Variants in SNTG1 observed in about 807,000 individuals in gnomAD.
SNTG1 encodes syntrophin gamma 1.
SNTG1 carries 39 observed loss-of-function variants against 74.7 expected under a neutral mutation model. The observed-to-expected ratio is 0.52, with a 90% CI of 0.40 to 0.68. The LOEUF (loss-of-function observed/expected upper bound fraction) is 0.68, where lower values mean the gene tolerates loss of function less well. SNTG1 is among the 30% of genes least tolerant of loss of function. The probability of loss-of-function intolerance (pLI) is 0.00; values close to 1 mark genes in which losing one functional copy is unlikely to be tolerated. For missense variants in SNTG1, 685 were observed against 609.5 expected, an observed-to-expected ratio of 1.12 and a Z score of -1.30; for synonymous variants, 254 against 217.1, an observed-to-expected ratio of 1.17 and a Z score of -1.49.
chr8:50,101,488 A>C (rs2080123318), intron 1 of SNTG1, among the ~76,000 whole-genome samples: 1 of 152,122 alleles, frequency 6.6e-6, no homozygotes, highest in Non-Finnish European at 1.5e-5. Flanking sequence ...ATGTGAGAGA[A>C]TATCTCATGG....
chr8:50,557,210 G>A (rs2094461192), intron 12 of SNTG1, among the ~76,000 whole-genome samples: 1 of 148,714 alleles, frequency 6.7e-6, no homozygotes, highest in Non-Finnish European at 1.5e-5. Context: ...TTGGAGAGTA[G>A]GGGAGAAAAC....
At chr8:49,996,155 C>T (rs933542560) in intron 1 of SNTG1, among the ~76,000 whole-genome samples, 4 of 151,784 alleles carry the variant, frequency 2.6e-5, no homozygotes, top group African/African-American at 9.7e-5. Flanking sequence ...TTCATCCTTC[C>T]ATTTTCTCAG....
intron 12 of SNTG1, among the ~76,000 whole-genome samples, chr8:50,585,890 T>C (rs892423557): frequency 2.6e-4 from 39 of 152,238 alleles, no homozygotes; most frequent in Admixed American, 1.3e-3. Flanking sequence ...TATCTTTATA[T>C]TGAGAGTTCA....
At chr8:50,412,029 GAAGC>G (rs777905710) in intron 4 of SNTG1, among the ~76,000 whole-genome samples, 2 of 152,114 alleles carry the variant, frequency 1.3e-5, no homozygotes, top group Non-Finnish European at 2.9e-5. Context: ...TCCAAACGTA[GAAGC>G]AAATGAATGA....
chr8:50,503,449 A>G (rs1203942548), intron 9 of SNTG1, among the ~76,000 whole-genome samples: 1 of 152,204 alleles, frequency 6.6e-6, no homozygotes, highest in Non-Finnish European at 1.5e-5. Context: ...ATAAAATACA[A>G]AGATCTTGCA....
At chr8:50,266,434 T>C (rs1255576488) in intron 2 of SNTG1, among the ~76,000 whole-genome samples, 1 of 151,790 alleles carries the variant, frequency 6.6e-6, no homozygotes, top group Non-Finnish European at 1.5e-5. Flanking sequence ...AAAAGTTAAC[T>C]TAAAATAGAT....
chr8:50,734,770 CATAT>C (rs199687164), intron 17 of SNTG1, among the ~76,000 whole-genome samples: 1 of 97,272 alleles, frequency 1.0e-5, no homozygotes, highest in Non-Finnish European at 1.8e-5. Flanking sequence ...TATATATGGA[CATAT>C]ATATAGATAT....
At chr8:50,594,728 T>G (rs989762561) in intron 13 of SNTG1, among the ~76,000 whole-genome samples, 7 of 152,110 alleles carry the variant, frequency 4.6e-5, no homozygotes, top group African/African-American at 1.7e-4. Context: ...GTAGGATAAA[T>G]TTTGTCAGTT....
At chr8:50,376,752 T>TAGAGAGAGAG (rs1209571081) in intron 2 of SNTG1, among the ~76,000 whole-genome samples, 3 of 100,810 alleles carry the variant, frequency 3.0e-5, no homozygotes, top group African/African-American at 1.0e-4. Flanking sequence ...TATATATATA[T>TAGAGAGAGAG]ATATAGAGAG....
intron 1 of SNTG1, among the ~76,000 whole-genome samples, chr8:50,060,583 G>A (rs1820385530): frequency 6.6e-6 from 1 of 151,818 alleles, no homozygotes; most frequent in African/African-American, 2.4e-5. Context: ...GCTTAACTTG[G>A]AACTTCTTGC....
rs772312473 is a variant in SNTG1 at position 50,572,283 on chromosome 8, G to T, written c.811-18596G>T. Among the ~76,000 whole-genome samples, 1,443 of 150,322 alleles carry T rather than the reference G, an allele frequency of 9.6e-3. 19 individuals carry two copies. Among genetic ancestry groups the T allele is most frequent in the African/African-American group, 0.029 (1,197 of 40,976 alleles). On this transcript the variant is annotated intron_variant, in intron 12 of 18. Coordinates refer to ENST00000642720, the MANE Select transcript of SNTG1 (RefSeq NM_018967.5). ...TTATATATATATATATATAGAGAGA[G>T]AGAGAGAGAGAGTCATTTCTGATGT...
At chr8:50,758,162 T>C (rs1257938387) in intron 18 of SNTG1, among the ~76,000 whole-genome samples, 2 of 151,932 alleles carry the variant, frequency 1.3e-5, no homozygotes, top group Non-Finnish European at 2.9e-5. Context: ...GTGGTCTATT[T>C]TATCTATTAA....
intron 15 of SNTG1, among the ~76,000 whole-genome samples, chr8:50,669,371 C>A (rs13269871): frequency 0.21 from 31,222 of 151,996 alleles, 3,290 homozygotes; most frequent in South Asian, 0.31. Context: ...CACCACTGAT[C>A]CCACAGAAAT....
chr8:50,465,747 T>C (rs930434254), intron 8 of SNTG1, among the ~76,000 whole-genome samples: 3 of 152,162 alleles, frequency 2.0e-5, no homozygotes, highest in African/African-American at 7.2e-5. Context: ...AAGGTGCATT[T>C]AAGATTTATG....
intron 8 of SNTG1, among the ~76,000 whole-genome samples, chr8:50,502,435 T>C (rs941985589): frequency 6.6e-6 from 1 of 152,214 alleles, no homozygotes; most frequent in Non-Finnish European, 1.5e-5. Context: ...ATTAATAATT[T>C]ACCAATAAAT....
chr8:50,743,030 G>C (rs959385827), intron 17 of SNTG1, among the ~76,000 whole-genome samples: 4 of 151,038 alleles, frequency 2.6e-5, no homozygotes, highest in African/African-American at 9.7e-5. Context: ...CAGAGAAGAG[G>C]CCTGGACCAC....
At chr8:50,108,673 A>G (rs372612955) in intron 1 of SNTG1, among the ~76,000 whole-genome samples, 27 of 152,166 alleles carry the variant, frequency 1.8e-4, no homozygotes, top group African/African-American at 6.0e-4. Flanking sequence ...AAAATATTTT[A>G]TATGCTTTTG....
chr8:50,757,263 C>G (rs1247562966), intron 18 of SNTG1, among the ~76,000 whole-genome samples: 1 of 151,734 alleles, frequency 6.6e-6, no homozygotes, highest in African/African-American at 2.4e-5. Context: ...AATTGAATTT[C>G]AAATTTTGAA....
intron 18 of SNTG1, among the ~76,000 whole-genome samples, chr8:50,758,353 G>C (rs2131726162): frequency 6.6e-6 from 1 of 152,040 alleles, no homozygotes. Flanking sequence ...TAAGTTCAGA[G>C]ATAAATGTGC....
Sources: gnomAD v4.1 joint callset for allele counts (sites outside exome capture counted in the v4.1 genomes callset) on GRCh38, gnomAD v4.1.1 for gene constraint, MANE v1.5 for transcripts, NCBI Gene and HGNC (gene_info 2026-07-23, HGNC 2026-07-21) for gene names.